TMEM175: variants seen among roughly 807,000 people sequenced by gnomAD.
TMEM175 encodes endosomal/lysosomal proton channel TMEM175.
Under a neutral mutation model 36.5 loss-of-function variants are expected in TMEM175, and 36 were observed. That is an observed-to-expected ratio of 0.99 (90% confidence interval 0.76 to 1.30). The LOEUF is 1.30. Among genes scored for constraint, TMEM175 ranks in the 50% most tolerant of loss-of-function variants. The pLI, the probability that TMEM175 is intolerant of heterozygous loss-of-function variation, is 0.00. For missense variants in TMEM175, 705 were observed against 692.8 expected (o/e 1.02, Z -0.20); for synonymous variants, 339 against 313.4 (o/e 1.08, Z -0.86).
rs535082505 is a variant in TMEM175, at chr4:951,823, C to T, written c.378+106C>T. On this transcript the variant is annotated intron_variant, in intron 6 of 10. Transcript: ENST00000264771. ...TGGATGGCCCAGGGCCCAGGCCACACGGTTGTAGAGAAGAGAGAAGGTTCT... is the reference window on the plus strand; with the variant it reads ...TGGATGGCCCAGGGCCCAGGCCACATGGTTGTAGAGAAGAGAGAAGGTTCT... 1.6e-4 allele frequency: 203 copies of T among 1,238,626 alleles called. 1 individual carries two copies. Among genetic ancestry groups the T allele is most frequent in the South Asian group, 8.4e-4 (69 of 82,586 alleles). 76.7% of individuals were successfully genotyped at this position (1,238,626 alleles called of 1,614,324 possible). A position where few individuals can be genotyped will look rare whatever the true frequency, so the allele number is the denominator to read the frequency against.
chr4:945,147 T>TAGGCAGCCTGTCATGGCAGTCTCAGTG (rs1553905363), intron 1 of TMEM175, among the ~76,000 whole-genome samples: 6 of 69,888 alleles, frequency 8.6e-5, no homozygotes, highest in Non-Finnish European at 1.7e-4. Context: ...GTGCAGACCC[T>TAGGCAGCCTGTCATGGCAGTCTCAGTG]AGGCAGCCTG....
In TMEM175 at chr4:955,500, T is replaced by G; in HGVS notation, c.706+17T>G. The G allele has an allele frequency of 6.2e-7, 1 of 1,611,980 alleles. No homozygotes were observed. The highest frequency in any genetic ancestry group is 8.5e-7 in the Non-Finnish European group (1 of 1,178,544). ...GGCTCCTGGGTAGGTGATGACTGGGTGGGCTGGCCTGAGAGGCCTGTAGTC... is the reference window on the plus strand; with the variant it reads ...GGCTCCTGGGTAGGTGATGACTGGGGGGGCTGGCCTGAGAGGCCTGTAGTC... On this transcript the variant is annotated intron_variant, in intron 9 of 10. Transcript: ENST00000264771.
chr4:945,449 C>T (rs776219285), intron 1 of TMEM175, among the ~76,000 whole-genome samples: 9 of 152,128 alleles, frequency 5.9e-5, no homozygotes, highest in Non-Finnish European at 1.0e-4. Flanking sequence ...CCTGCCCTCC[C>T]GTCGCCTCAC....
At position 947,856 on chromosome 4, in the gene TMEM175, C is replaced by G. The variant is rs1191776691; in HGVS notation, c.117C>G (p.Phe39Leu). Reference protein sequence around the residue: ...GIQCSQRMLSFSDALLSIIAT... With the variant: ...GIQCSQRMLSLSDALLSIIAT... Reference sequence around the variant, plus strand: ...AGTGCTCCCAACGCATGCTCAGCTTCAGTGACGCCCTGCTGTCCATCATCG... The same window carrying G: ...AGTGCTCCCAACGCATGCTCAGCTTGAGTGACGCCCTGCTGTCCATCATCG... The change falls in exon 2 of 11, where the codon TTC (phenylalanine) becomes TTG (leucine). Residue 39 changes from phenylalanine to leucine, a missense_variant. Transcript: ENST00000264771. 1 of 1,613,636 alleles carries G rather than the reference C, an allele frequency of 6.2e-7. No homozygotes were observed. Among genetic ancestry groups the G allele is most frequent in the Non-Finnish European group, 8.5e-7 (1 of 1,180,024 alleles).
chr4:954,029 G>T (rs940660634), intron 8 of TMEM175, among the ~76,000 whole-genome samples: 1 of 150,418 alleles, frequency 6.6e-6, no homozygotes, highest in Non-Finnish European at 1.5e-5. Flanking sequence ...GAGTTTTGCT[G>T]CCAGGCTGGA....
intron 1 of TMEM175, among the ~76,000 whole-genome samples, chr4:941,907 A>G (rs1399300801): frequency 1.3e-5 from 2 of 152,078 alleles, no homozygotes; most frequent in Admixed American, 6.5e-5. Flanking sequence ...AGAAAAAAAA[A>G]GAATATTTTG....
Position 947,698 on chromosome 4 carries a change from T to C in TMEM175, c.-31-11T>C. 6.4e-7 allele frequency: 1 copy of C among 1,567,694 alleles called. No homozygotes were observed. Among genetic ancestry groups the C allele is most frequent in the Non-Finnish European group, 8.6e-7 (1 of 1,156,360 alleles). ...CCCCACAGGCACACTCAGACCTGCC[T>C]TTCCTCCCAGGCTCCTGTAACCGCC... On this transcript the variant is annotated splice_polypyrimidine_tract_variant and intron_variant, in intron 1 of 10. Transcript: ENST00000264771.
rs1560504292 is a variant in TMEM175, at chr4:958,078, C to G, written c.1097C>G (p.Ala366Gly). The G allele has an allele frequency of 3.1e-6, 5 of 1,608,212 alleles. No homozygotes were observed. The highest frequency in any genetic ancestry group is 4.2e-6 in the Non-Finnish European group (5 of 1,179,614). ...PLAYQQTSAF[A>G]RQPRDELERV... The stretch of plus-strand genomic sequence containing the variant: ...GCCTACCAGCAGACCTCGGCCTTCG[C>G]CCGGCAGCCCCGCGATGAGCTGGAG... Residue 366 changes from alanine (A) to glycine (G), a missense_variant, in exon 11 of 11, where the codon GCC becomes GGC. Coordinates refer to ENST00000264771, the MANE Select transcript of TMEM175 (RefSeq NM_032326.4).
chr4:936,681 C>T (rs1296102896), intron 1 of TMEM175, among the ~76,000 whole-genome samples: 2 of 152,190 alleles, frequency 1.3e-5, no homozygotes, highest in Non-Finnish European at 2.9e-5. Context: ...TTGGGCCCGG[C>T]GCGGTGGCTC....
intron 10 of TMEM175, chr4:956,863 C>G (rs1729723583): frequency 5.6e-6 from 1 of 179,762 alleles, no homozygotes; most frequent in South Asian, 1.1e-4. Context: ...ATATCCTGTA[C>G]TTGATATTCT....
At position 947,775 on chromosome 4, in the gene TMEM175, T is replaced by C; in HGVS notation, c.36T>C (p.Asp12=). The change falls in exon 2 of 11, where the codon GAT becomes GAC. Residue 12 remains aspartate, a synonymous_variant. Transcript: ENST00000264771. ...CCCGGACCCCAGAGCAGGCACTGGA[T>C]ACACCGGGGGACTGCCCCCCAGGCA... ...SQPRTPEQAL[D]TPGDCPPGRR... 1 of 1,612,586 alleles carries C rather than the reference T, an allele frequency of 6.2e-7. No individual in the cohort carries two copies.
chr4:933,893 C>G (rs1347140556), intron 1 of TMEM175, among the ~76,000 whole-genome samples: 6 of 152,134 alleles, frequency 3.9e-5, no homozygotes, highest in Non-Finnish European at 8.8e-5. Context: ...ATATATATAA[C>G]AAAAATAACA....
At chr4:951,159 G>A in intron 4 of TMEM175, 48 bp from the exon 5 acceptor site, 1 of 1,560,978 alleles carries the variant, frequency 6.4e-7, no homozygotes, top group South Asian at 1.1e-5. Context: ...TGCATTTAAT[G>A]TTACTACAAC....
In TMEM175 at chr4:932,661, C is replaced by T; in HGVS notation, c.-32+121C>T. On this transcript the variant is annotated intron_variant, in intron 1 of 10. Transcript: ENST00000264771. The surrounding 1 kb of genome is among the most constrained non-coding windows in gnomAD (Gnocchi z 4.0). ...GCCATCCTCTGGGTGGAGTCAGCCT[C>T]CCGTTTGCTGTTAGCGCCGCGTTTG... 1 of 318,484 alleles carries T rather than the reference C, an allele frequency of 3.1e-6. No individual in the cohort carries two copies. The highest frequency in any genetic ancestry group is 5.7e-6 in the Non-Finnish European group (1 of 174,758). The allele number at this position is 318,484 out of a possible 1,614,324, so 19.7% of individuals were successfully genotyped here.
At chr4:948,047 G>T (rs780293143) in intron 2 of TMEM175, 69 bp from the exon 3 acceptor site, 3 of 1,613,556 alleles carry the variant, frequency 1.9e-6, no homozygotes, top group Non-Finnish European at 8.5e-7. Context: ...CGAGTCCCCA[G>T]TACTGCCACA....
intron 7 of TMEM175, 47 bp downstream of exon 7, chr4:952,497 TG>T (rs758958287): frequency 6.9e-7 from 1 of 1,445,026 alleles, no homozygotes; most frequent in Admixed American, 1.8e-5. Flanking sequence ...TGTGTGTGTG[TG>T]TGTGTGTGTG....
chr4:941,183 C>G (rs1485725326), intron 1 of TMEM175, among the ~76,000 whole-genome samples: 1 of 150,682 alleles, frequency 6.6e-6, no homozygotes, highest in African/African-American at 2.4e-5. Context: ...CAAGACCATC[C>G]TGGCCAACAT....
chr4:955,190 C>T (rs1729455988), intron 8 of TMEM175, among the ~76,000 whole-genome samples: 1 of 152,200 alleles, frequency 6.6e-6, no homozygotes, highest in Non-Finnish European at 1.5e-5. Context: ...GATCCACCTG[C>T]CTCAGCCCCA....
Position 932,528 on chromosome 4 carries a change from G to C in TMEM175, c.-44G>C, listed in dbSNP as rs1410915575. ...AGGCGCGCGGAACAGTCGCCGAGGC[G>C]ATTCCCGCCCAGGTAGTTCAGCGCC... On this transcript the variant is annotated 5_prime_UTR_variant, in exon 1 of 11. Transcript: ENST00000264771. The surrounding 1 kb of genome is among the most constrained non-coding windows in gnomAD (Gnocchi z 4.0). 4 of 457,534 alleles carry C rather than the reference G, an allele frequency of 8.7e-6. No homozygotes were observed. Among genetic ancestry groups the C allele is most frequent in the Non-Finnish European group, 1.5e-5 (4 of 262,774 alleles). 28.3% of individuals were successfully genotyped at this position (457,534 alleles called of 1,614,324 possible).
Sources: allele counts gnomAD v4.1 joint callset (sites outside exome capture counted in the v4.1 genomes callset), GRCh38; gene constraint gnomAD v4.1.1; non-coding constraint Gnocchi (gnomAD v3.1); transcripts MANE v1.5; gene names NCBI Gene and HGNC (gene_info 2026-07-23, HGNC 2026-07-21).